Variants in BCL6 observed in about 807,000 individuals in gnomAD.
BCL6 encodes the protein B-cell lymphoma 6 protein.
BCL6 carries 7 observed loss-of-function variants against 59.5 expected under a neutral mutation model. That is an observed-to-expected ratio of 0.12 (90% confidence interval 0.07 to 0.22). The LOEUF is 0.22. Ranked by LOEUF, BCL6 falls within the 10% of genes least tolerant of loss-of-function variation. The pLI is 1.00. For synonymous variants in BCL6, 339 were observed against 349.7 expected (o/e 0.97, Z 0.34); for missense variants, 685 against 939.4 (o/e 0.73, Z 3.54).
chr3:187,738,232 C>A (rs1428436708), intron 1 of BCL6, among the ~76,000 whole-genome samples: 2 of 152,064 alleles, frequency 1.3e-5, no homozygotes, highest in Non-Finnish European at 1.5e-5. Flanking sequence ...TGCTTTTTTC[C>A]CTCTTTTTGC....
At chr3:187,742,785 G>A (rs1711655392) in intron 1 of BCL6, among the ~76,000 whole-genome samples, 1 of 152,134 alleles carries the variant, frequency 6.6e-6, no homozygotes, top group African/African-American at 2.4e-5. Context: ...TCCTCCCCCA[G>A]AGACAAATAT....
intron 1 of BCL6, among the ~76,000 whole-genome samples, chr3:187,742,547 A>C (rs1711645324): frequency 6.6e-6 from 1 of 152,142 alleles, no homozygotes; most frequent in African/African-American, 2.4e-5. Flanking sequence ...ATCTAGCCTT[A>C]CTGTCACTAT....
chr3:187,728,899 TA>T, intron 5 of BCL6, 150 bp downstream of exon 5: 1 of 1,138,422 alleles, frequency 8.8e-7, no homozygotes, highest in Non-Finnish European at 1.2e-6. Context: ...TACTTAAGTG[TA>T]AAATACTTCC....
At chr3:187,722,749 G>A (rs976537253) in intron 9 of BCL6, 148 bp from the exon 10 acceptor site, 18 of 992,248 alleles carry the variant, frequency 1.8e-5, no homozygotes, top group African/African-American at 9.9e-5. Context: ...ATATGCATCC[G>A]GGCTTCTGCC....
intron 9 of BCL6, among the ~76,000 whole-genome samples, chr3:187,723,836 T>A (rs1169645691): frequency 6.6e-6 from 1 of 152,218 alleles, no homozygotes; most frequent in Non-Finnish European, 1.5e-5. Flanking sequence ...AACTCTGATA[T>A]CCTAGGCATC....
At chr3:187,722,701 G>C in intron 9 of BCL6, 100 bp from the exon 10 acceptor site, 1 of 1,486,780 alleles carries the variant, frequency 6.7e-7, no homozygotes, top group Admixed American at 2.0e-5. Flanking sequence ...CGAGGGACTG[G>C]GGCAGCTCTT....
intron 5 of BCL6, among the ~76,000 whole-genome samples, 165 bp downstream of exon 5, chr3:187,728,885 A>G (rs1164297706): frequency 6.6e-6 from 1 of 152,198 alleles, no homozygotes; most frequent in Non-Finnish European, 1.5e-5. Context: ...GAAAAAATAT[A>G]CACTACTTAA....
Position 187,726,610 on chromosome 3 carries a change from G to A in BCL6, c.1708+121C>T, listed in dbSNP as rs2108559149. ...TAGACCCCTCGTTCAGGCCAGGATG[G>A]GGCCTGCCTCCTGCCTTGCCCCACC... On this transcript the variant is annotated intron_variant, in intron 7 of 9. Transcript: ENST00000406870. 4 of 1,397,170 alleles carry A rather than the reference G, an allele frequency of 2.9e-6. No homozygotes were observed. The South Asian group carries it at 4.1e-5, about 14-fold the overall frequency. 86.5% of individuals were successfully genotyped at this position (1,397,170 alleles called of 1,614,324 possible).
At position 187,722,043 on chromosome 3, in the gene BCL6, A is replaced by T. The variant is rs1718441562; in HGVS notation, c.*415T>A. On this transcript the variant is annotated 3_prime_UTR_variant, in exon 10 of 10. Transcript: ENST00000406870. ...AAAAAATTAAAGCCCTCTCTTTGAC[A>T]ACATACTGAAGTCTTGTCTTTTAAA... is the stretch of plus-strand genomic sequence containing the variant. 1 of 225,972 alleles carries T rather than the reference A, an allele frequency of 4.4e-6. No individual in the cohort carries two copies. The highest frequency in any genetic ancestry group is 8.8e-6 in the Non-Finnish European group (1 of 113,852). The allele number at this position is 225,972 out of a possible 1,614,324, so 14.0% of individuals were successfully genotyped here. A position where few individuals can be genotyped will look rare whatever the true frequency, so the allele number is the denominator to read the frequency against.
intron 1 of BCL6, among the ~76,000 whole-genome samples, chr3:187,743,033 T>A (rs1000754741): frequency 2.0e-5 from 3 of 150,920 alleles, no homozygotes; most frequent in Non-Finnish European, 4.4e-5. Flanking sequence ...TTTTTTTTTT[T>A]AAGTTATTTA....
At chr3:187,739,930 G>A (rs1464957639) in intron 1 of BCL6, among the ~76,000 whole-genome samples, 1 of 152,210 alleles carries the variant, frequency 6.6e-6, no homozygotes, top group Non-Finnish European at 1.5e-5. Context: ...GGAAAGCGAT[G>A]AGTCAAACTT....
At chr3:187,733,419 C>A (rs1719139626) in intron 3 of BCL6, 114 bp downstream of exon 3, 1 of 1,275,316 alleles carries the variant, frequency 7.8e-7, no homozygotes, top group East Asian at 2.3e-5. Context: ...GATCTGGAGA[C>A]AAAGCGAGAC....
chr3:187,744,740 G>C (rs537249615), intron 1 of BCL6, among the ~76,000 whole-genome samples: 4 of 152,106 alleles, frequency 2.6e-5, no homozygotes, highest in East Asian at 3.9e-4. Flanking sequence ...TTACCCAGAA[G>C]GACAGGGGAA....
chr3:187,741,908 A>G (rs1289424662), intron 1 of BCL6, among the ~76,000 whole-genome samples: 1 of 152,216 alleles, frequency 6.6e-6, no homozygotes, highest in African/African-American at 2.4e-5. Flanking sequence ...AAGTCAATCC[A>G]AGGGGAAGGC....
chr3:187,741,922 G>C (rs1297057482), intron 1 of BCL6, among the ~76,000 whole-genome samples: 1 of 151,802 alleles, frequency 6.6e-6, no homozygotes, highest in African/African-American at 2.4e-5. Flanking sequence ...GGAAGGCCGG[G>C]CTACCTCCGC....
rs1718906472 is a variant in BCL6, at chr3:187,729,430, C to T, written c.975G>A (p.Arg325=). The change falls in exon 5 of 10, where the codon CGG becomes CGA. Residue 325 remains arginine (R), a synonymous_variant. Coordinates refer to ENST00000406870, the MANE Select transcript of BCL6 (RefSeq NM_001706.5). This position sits in a 1 kb window ranked among gnomAD's most constrained non-coding sequence, Gnocchi z 5.6. The part of the protein sequence containing the change: ...HFEPPNAPLN[R]KGLVSPQSPQ... ...GGCTCTGTGGACTAACCAGACCCTT[C>T]CGGTTCAGGGGTGCATTGGGGGGCT... 1 of 1,610,560 alleles carries T rather than the reference C, an allele frequency of 6.2e-7. No homozygotes were observed.
intron 9 of BCL6, among the ~76,000 whole-genome samples, chr3:187,723,014 C>T (rs1270211272): frequency 6.6e-6 from 1 of 152,200 alleles, no homozygotes; most frequent in Non-Finnish European, 1.5e-5. Flanking sequence ...GTGCATGGAT[C>T]CTTCTTCAGT....
chr3:187,741,152 C>T (rs1008326494), intron 1 of BCL6, among the ~76,000 whole-genome samples: 1 of 152,154 alleles, frequency 6.6e-6, no homozygotes, highest in Admixed American at 6.5e-5. Context: ...GTGTGATTGC[C>T]TCTAAAAGCA....
rs562570927 is a variant in BCL6, at chr3:187,744,708, C to T, written c.-50+702G>A. 1.1e-4 allele frequency among the ~76,000 whole-genome samples: 17 copies of T among 152,046 alleles called. No homozygotes were observed. The East Asian group carries it at 2.1e-3, about 19-fold the overall frequency. On this transcript the variant is annotated intron_variant, in intron 1 of 9. Coordinates refer to ENST00000406870, the MANE Select transcript of BCL6 (RefSeq NM_001706.5). ...GCCAGCGGGGCGAGCGAGCGGGCAG[C>T]CTCCCTTTTTGCCTCCCGGAGTTAC... is the stretch of plus-strand genomic sequence containing the variant.
Sources: allele counts gnomAD v4.1 joint callset (sites outside exome capture counted in the v4.1 genomes callset), GRCh38; gene constraint gnomAD v4.1.1; non-coding constraint Gnocchi (gnomAD v3.1); transcripts MANE v1.5; gene names NCBI Gene and HGNC (gene_info 2026-07-23, HGNC 2026-07-21).